The following SCFD1 variants were observed in gnomAD, a reference collection of about 807,000 sequenced individuals.
The protein encoded by SCFD1 is sec1 family domain-containing protein 1.
Under a neutral mutation model 103.2 loss-of-function variants are expected in SCFD1, and 37 were observed. That is an observed-to-expected ratio of 0.36 (90% CI 0.28 to 0.47). The LOEUF is 0.47. SCFD1 is among the 20% of genes least tolerant of loss of function. The pLI, the probability that SCFD1 is intolerant of heterozygous loss-of-function variation, is 1.00. For missense variants in SCFD1, 639 were observed against 761.2 expected (o/e 0.84, Z 1.89); for synonymous variants, 264 against 245.0 (o/e 1.08, Z -0.73).
chr14:30,717,774 C>T (rs1178841530), intron 20 of SCFD1, among the ~76,000 whole-genome samples: 3 of 151,190 alleles, frequency 2.0e-5, no homozygotes, highest in East Asian at 3.9e-4. Flanking sequence ...ATCCAAGCTA[C>T]TCTGGAGGCT....
intron 17 of SCFD1, among the ~76,000 whole-genome samples, chr14:30,703,634 A>G (rs1028005008): frequency 6.7e-5 from 10 of 149,848 alleles, no homozygotes; most frequent in African/African-American, 1.8e-4. Flanking sequence ...AAAAAAAAGC[A>G]TAACAAGAGA....
chr14:30,653,628 A>G (rs1241688590), intron 10 of SCFD1, 40 bp downstream of exon 10: 3 of 1,295,582 alleles, frequency 2.3e-6, no homozygotes, highest in South Asian at 2.5e-5. Flanking sequence ...GAAATATAGT[A>G]ACATGCAGTG....
At chr14:30,703,637 A>G (rs1466781927) in intron 17 of SCFD1, among the ~76,000 whole-genome samples, 3 of 149,774 alleles carry the variant, frequency 2.0e-5, no homozygotes, top group African/African-American at 7.5e-5. Context: ...AAAAAGCATA[A>G]CAAGAGAATT....
rs558145455 is a variant in SCFD1 at position 30,647,653 on chromosome 14, C to T, written c.614-1875C>T. ...CACGTATACAACTTTTAGTGTTAAA[C>T]AGACATAATTTTCTTTCTATTTTGT... On this transcript the variant is annotated intron_variant, in intron 7 of 24. Transcript: ENST00000458591. Among the ~76,000 whole-genome samples the T allele has an allele frequency of 3.3e-5, 5 of 152,132 alleles. No homozygotes were observed. The South Asian group carries it at 1.0e-3, about 32-fold the overall frequency.
chr14:30,675,901 G>A (rs981711285), intron 14 of SCFD1, among the ~76,000 whole-genome samples: 2 of 152,196 alleles, frequency 1.3e-5, no homozygotes, highest in Non-Finnish European at 2.9e-5. Flanking sequence ...GCAGCATGCA[G>A]TTTAAACCTG....
chr14:30,679,675 T>C (rs1889317233), intron 14 of SCFD1, among the ~76,000 whole-genome samples: 1 of 129,550 alleles, frequency 7.7e-6, no homozygotes, highest in Non-Finnish European at 1.8e-5. Context: ...ATTCTTCACA[T>C]AAACTGACTT....
chr14:30,703,955 ATAT>A (rs1891281290), intron 17 of SCFD1, among the ~76,000 whole-genome samples: 1 of 55,108 alleles, frequency 1.8e-5, no homozygotes, highest in Non-Finnish European at 2.7e-5. Flanking sequence ...ATATATATAT[ATAT>A]ATATAAATAA....
chr14:30,647,353 T>C (rs988057175), intron 7 of SCFD1, among the ~76,000 whole-genome samples: 4 of 152,124 alleles, frequency 2.6e-5, no homozygotes, highest in Non-Finnish European at 5.9e-5. Flanking sequence ...GCTCCCTCCT[T>C]TCAGGGATTT....
intron 24 of SCFD1, 71 bp from the exon 25 acceptor site, chr14:30,735,515 C>A (rs73254580): frequency 0.028 from 29,614 of 1,076,486 alleles, 534 homozygotes; most frequent in African/African-American, 0.062. Context: ...AAGGGGTTTA[C>A]AAATATGTTT....
At chr14:30,683,494 T>C in intron 14 of SCFD1, 1 of 352,702 alleles carries the variant, frequency 2.8e-6, no homozygotes, top group Non-Finnish European at 5.5e-6. Context: ...CATGAGCTCC[T>C]GTTGTTTTGC....
At chr14:30,662,772 C>A (rs1220070693) in intron 10 of SCFD1, among the ~76,000 whole-genome samples, 3 of 152,150 alleles carry the variant, frequency 2.0e-5, no homozygotes, top group Non-Finnish European at 2.9e-5. Context: ...ATTTTGTTAA[C>A]ATTAACTCTC....
intron 7 of SCFD1, among the ~76,000 whole-genome samples, chr14:30,645,884 T>C (rs1885772236): frequency 6.6e-6 from 1 of 152,212 alleles, no homozygotes. Flanking sequence ...TGGGTGTCCT[T>C]GTCTTATTCA....
intron 15 of SCFD1, among the ~76,000 whole-genome samples, chr14:30,696,675 G>A (rs1890724090): frequency 6.6e-6 from 1 of 152,194 alleles, no homozygotes; most frequent in Admixed American, 6.5e-5. Flanking sequence ...GTCTAGCAAG[G>A]TGTGTGAGAA....
chr14:30,696,567 G>C (rs1890716673), intron 15 of SCFD1, among the ~76,000 whole-genome samples: 1 of 152,232 alleles, frequency 6.6e-6, no homozygotes, highest in African/African-American at 2.4e-5. Context: ...ACCTGAGCAA[G>C]ATGACTAAGG....
intron 23 of SCFD1, among the ~76,000 whole-genome samples, chr14:30,730,136 G>T (rs1893345791): frequency 6.6e-6 from 1 of 152,140 alleles, no homozygotes; most frequent in South Asian, 2.1e-4. Flanking sequence ...GCTATAGTTT[G>T]CTGGGAATGA....
intron 23 of SCFD1, among the ~76,000 whole-genome samples, chr14:30,727,450 A>T (rs1406930041): frequency 6.6e-6 from 1 of 152,128 alleles, no homozygotes; most frequent in Non-Finnish European, 1.5e-5. Context: ...TATCCTCAAG[A>T]TGTTGTTATT....
At chr14:30,678,971 C>T (rs1594682515) in intron 14 of SCFD1, among the ~76,000 whole-genome samples, 1 of 152,168 alleles carries the variant, frequency 6.6e-6, no homozygotes. Flanking sequence ...CCCTTGTTGG[C>T]AATGCTAGCT....
chr14:30,726,899 A>G (rs4981770), intron 23 of SCFD1, among the ~76,000 whole-genome samples: 58,066 of 152,002 alleles, frequency 0.38, 12,840 homozygotes, highest in Non-Finnish European at 0.5. Flanking sequence ...TTCTGCCCAA[A>G]TTGGTTTAAC....
chr14:30,683,203 A>G (rs887207037), intron 14 of SCFD1: 66 of 1,128,756 alleles, frequency 5.8e-5, no homozygotes, highest in Middle Eastern at 2.2e-4. Context: ...CTGGATGGAG[A>G]GCAGAATGGT....
Sources: allele counts gnomAD v4.1 joint callset (sites outside exome capture counted in the v4.1 genomes callset), GRCh38; gene constraint gnomAD v4.1.1; transcripts MANE v1.5; gene names NCBI Gene and HGNC (gene_info 2026-07-23, HGNC 2026-07-21).